LMLN: variants seen among roughly 807,000 people sequenced by gnomAD.
LMLN encodes leishmanolysin like peptidase.
In LMLN, 70 loss-of-function variants were observed where a neutral mutation model predicts 92.3. The ratio of observed to expected loss-of-function variants is 0.76; its 90% CI spans 0.63 to 0.92. The LOEUF (loss-of-function observed/expected upper bound fraction) is 0.92. Among genes scored for constraint, LMLN ranks in the 40% least tolerant of loss-of-function variants. The probability of loss-of-function intolerance (pLI) is 0.00; values close to 1 mark genes in which losing one functional copy is unlikely to be tolerated. For missense variants in LMLN, 691 were observed against 814.6 expected, an observed-to-expected ratio of 0.85 and a Z score of 1.85; for synonymous variants, 308 against 296.2, an observed-to-expected ratio of 1.04 and a Z score of -0.41.
chr3:197,976,728 G>C lies in LMLN; in HGVS notation c.549+13G>C, dbSNP rs752290001. On this transcript the variant is annotated intron_variant, in intron 5 of 15. Coordinates refer to ENST00000330198, the Ensembl canonical transcript of LMLN. ...GGAACATCTCCAGGTATTTCACCCT[G>C]CTCTTGGCAGTGCTTTTACACCTGA... 7 of 1,346,500 alleles carry C rather than the reference G, an allele frequency of 5.2e-6. No individual in the cohort carries two copies. Among genetic ancestry groups the C allele is most frequent in the Non-Finnish European group, 6.1e-6 (6 of 977,904 alleles). The allele number at this position is 1,346,500 out of a possible 1,614,324, so 83.4% of individuals were successfully genotyped here.
chr3:198,032,131 C>G (rs1306172391), intron 14 of LMLN, among the ~76,000 whole-genome samples: 1 of 150,854 alleles, frequency 6.6e-6, no homozygotes, highest in Non-Finnish European at 1.5e-5. Context: ...AAGAAAAGTG[C>G]CTGGAAGCCA....
intron 11 of LMLN, among the ~76,000 whole-genome samples, chr3:198,010,029 C>T (rs541594385): frequency 1.2e-4 from 18 of 152,202 alleles, no homozygotes; most frequent in Non-Finnish European, 1.9e-4. Context: ...TTTTACTGAT[C>T]TTAAAGAACC....
At chr3:198,010,601 C>T (rs532514565) in intron 11 of LMLN, among the ~76,000 whole-genome samples, 1 of 152,252 alleles carries the variant, frequency 6.6e-6, no homozygotes, top group South Asian at 2.1e-4. Flanking sequence ...CAGGCACACA[C>T]CCCCACACCC....
intron 13 of LMLN, among the ~76,000 whole-genome samples, chr3:198,023,997 A>G (rs1722851311): frequency 6.6e-6 from 1 of 152,158 alleles, no homozygotes; most frequent in Non-Finnish European, 1.5e-5. Flanking sequence ...TCATCCTATC[A>G]TGAGTAATTT....
At chr3:197,975,051 T>G in exon 3 of LMLN, 1 of 1,485,552 alleles carries the variant, frequency 6.7e-7, no homozygotes, top group Non-Finnish European at 9.4e-7. Context: ...GGTTGCTCCC[T>G]GAGAAAAAGA....
At position 197,990,683 on chromosome 3, in the gene LMLN, A is replaced by G. The variant is rs764094864; in HGVS notation, c.1047+7A>G. 1.5e-6 allele frequency: 2 copies of G among 1,316,608 alleles called. No individual in the cohort carries two copies. The highest frequency in any genetic ancestry group is 1.7e-5 in the Admixed American group (1 of 59,100). The allele number at this position is 1,316,608 out of a possible 1,614,324, so 81.6% of individuals were successfully genotyped here. ...GGTAACGCCTCGTGTTGTTGTAAGT[A>G]TTATCAGACTTCATGTCTCATGAGC... On this transcript the variant is annotated splice_region_variant and intron_variant, in intron 9 of 15. Transcript: ENST00000330198.
chr3:197,967,084 C>G (rs1721080066), intron 1 of LMLN, among the ~76,000 whole-genome samples: 1 of 152,204 alleles, frequency 6.6e-6, no homozygotes, highest in African/African-American at 2.4e-5. Context: ...GTGTGAGCCA[C>G]TGCACATTTA....
At chr3:197,967,361 C>T (rs1041511935) in intron 1 of LMLN, among the ~76,000 whole-genome samples, 1 of 152,196 alleles carries the variant, frequency 6.6e-6, no homozygotes, top group African/African-American at 2.4e-5. Context: ...CCAGGGATGA[C>T]ATCACCTATC....
chr3:197,996,960 G>C (rs1005539335), intron 10 of LMLN, among the ~76,000 whole-genome samples: 1 of 151,588 alleles, frequency 6.6e-6, no homozygotes, highest in African/African-American at 2.4e-5. Flanking sequence ...TCTAGTCTGT[G>C]TGTTCGTTCG....
intron 9 of LMLN, 107 bp downstream of exon 9, chr3:197,990,783 T>C (rs1372578016): frequency 3.4e-6 from 2 of 582,156 alleles, no homozygotes; most frequent in East Asian, 2.7e-5. Context: ...TTAGAGCCTA[T>C]AGTAGGAAAA....
intron 14 of LMLN, among the ~76,000 whole-genome samples, chr3:198,028,616 T>G (rs1307618676): frequency 6.6e-6 from 1 of 152,192 alleles, no homozygotes; most frequent in Non-Finnish European, 1.5e-5. Context: ...CCTTATCATA[T>G]CACCTTTTGT....
At chr3:198,001,729 A>G (rs1027504633) in intron 11 of LMLN, among the ~76,000 whole-genome samples, 2 of 152,204 alleles carry the variant, frequency 1.3e-5, no homozygotes, top group African/African-American at 4.8e-5. Context: ...AAGATGCTAC[A>G]TTACACATTT....
At chr3:198,023,777 T>A (rs577625326) in intron 13 of LMLN, among the ~76,000 whole-genome samples, 1 of 152,356 alleles carries the variant, frequency 6.6e-6, no homozygotes, top group Admixed American at 6.5e-5. Context: ...TCTGCAGGTT[T>A]GTGCATACTG....
intron 14 of LMLN, among the ~76,000 whole-genome samples, chr3:198,029,365 G>A (rs1332294982): frequency 6.6e-6 from 1 of 152,032 alleles, no homozygotes; most frequent in Admixed American, 6.6e-5. Flanking sequence ...AAACAAATTT[G>A]TTGTCTGCTT....
At chr3:198,018,520 A>C (rs1444017278) in intron 11 of LMLN, among the ~76,000 whole-genome samples, 1 of 152,196 alleles carries the variant, frequency 6.6e-6, no homozygotes, top group Non-Finnish European at 1.5e-5. Flanking sequence ...TTTGCTGAAG[A>C]CTGTGGCAAG....
At chr3:197,987,129 C>T (rs1199276296) in intron 8 of LMLN, among the ~76,000 whole-genome samples, 18 of 148,442 alleles carry the variant, frequency 1.2e-4, no homozygotes, top group Admixed American at 9.5e-4. Context: ...CATGAGCCAC[C>T]GCACCCGGCC....
intron 9 of LMLN, among the ~76,000 whole-genome samples, chr3:197,995,630 A>G (rs1721996239): frequency 6.6e-6 from 1 of 152,084 alleles, no homozygotes; most frequent in Non-Finnish European, 1.5e-5. Flanking sequence ...AGATGGGTGT[A>G]ACACTTTTTT....
intron 1 of LMLN, among the ~76,000 whole-genome samples, chr3:197,971,968 T>A (rs1473242252): frequency 7.4e-6 from 1 of 134,572 alleles, no homozygotes; most frequent in African/African-American, 2.8e-5. Flanking sequence ...TTTTTTTTTT[T>A]AGTCTTTTTC....
At chr3:198,012,251 G>A (rs569816473) in intron 11 of LMLN, among the ~76,000 whole-genome samples, 2 of 152,070 alleles carry the variant, frequency 1.3e-5, no homozygotes, top group Non-Finnish European at 2.9e-5. Flanking sequence ...TTGTAGTAGA[G>A]ACGGGGTTTC....
Sources: allele counts gnomAD v4.1 joint callset (sites outside exome capture counted in the v4.1 genomes callset), GRCh38; gene constraint gnomAD v4.1.1; transcripts MANE v1.5; gene names NCBI Gene and HGNC (gene_info 2026-07-23, HGNC 2026-07-21).